DPP10: variants seen among roughly 807,000 people sequenced by gnomAD.
DPP10 encodes the protein dipeptidyl peptidase like 10.
DPP10 carries 33 observed loss-of-function variants against 120.9 expected under a neutral mutation model. That is an observed-to-expected ratio of 0.27 (90% CI 0.21 to 0.37). The LOEUF is 0.37. DPP10 is among the 10% of genes least tolerant of loss of function. The pLI is 1.00. For missense variants in DPP10, 816 were observed against 942.8 expected, an observed-to-expected ratio of 0.87 and a Z score of 1.76; for synonymous variants, 337 against 326.1, an observed-to-expected ratio of 1.03 and a Z score of -0.36.
At chr2:114,875,312 A>G (rs1031318276) in intron 1 of DPP10, among the ~76,000 whole-genome samples, 1 of 152,188 alleles carries the variant, frequency 6.6e-6, no homozygotes, top group Non-Finnish European at 1.5e-5. Context: ...CTACTCACAA[A>G]GACCTCATAG....
At position 115,300,787 on chromosome 2, in the gene DPP10, C is replaced by A. The variant is rs576296443; in HGVS notation, c.61-8452C>A. 2.0e-5 allele frequency among the ~76,000 whole-genome samples: 3 copies of A among 152,006 alleles called. No individual in the cohort carries two copies. The East Asian group carries it at 5.8e-4, about 30-fold the overall frequency. On this transcript the variant is annotated intron_variant, in intron 1 of 25. Coordinates refer to ENST00000410059, the MANE Select transcript of DPP10 (RefSeq NM_020868.6). The stretch of plus-strand genomic sequence containing the variant: ...TTTAGCTCTCAGAGTGTATTTAAGG[C>A]AGTTGTTTTAAAGTCTTTCTCTAGT...
chr2:115,655,209 A>G (rs2088186426), intron 5 of DPP10, among the ~76,000 whole-genome samples: 1 of 151,590 alleles, frequency 6.6e-6, no homozygotes, highest in African/African-American at 2.4e-5. Context: ...CAAATACGTA[A>G]CTTTTTAGGC....
intron 5 of DPP10, among the ~76,000 whole-genome samples, chr2:115,533,548 TCTC>T (rs2148928015): frequency 6.6e-6 from 1 of 152,200 alleles, no homozygotes; most frequent in African/African-American, 2.4e-5. Context: ...AAGTAACTCT[TCTC>T]TAGTGAATTA....
intron 5 of DPP10, among the ~76,000 whole-genome samples, chr2:115,550,218 G>A (rs972060942): frequency 5.9e-5 from 9 of 152,138 alleles, no homozygotes; most frequent in East Asian, 1.9e-4. Flanking sequence ...TAATATGCAT[G>A]TGAAGTATCA....
At chr2:115,489,205 C>A (rs1254495929) in intron 3 of DPP10, among the ~76,000 whole-genome samples, 1 of 151,982 alleles carries the variant, frequency 6.6e-6, no homozygotes, top group Non-Finnish European at 1.5e-5. Context: ...AGTGCATAAG[C>A]AGCCATGAGC....
rs70941039 is a variant in DPP10 at position 115,279,655 on chromosome 2, CTTT to C, written c.61-29559_61-29557del. Among the ~76,000 whole-genome samples the C allele has an allele frequency of 6.3e-3, 270 of 42,680 alleles. 3 individuals are homozygous for C. The highest frequency in any genetic ancestry group is 0.02 in the East Asian group (24 of 1,230). 28.0% of individuals were successfully genotyped at this position (42,680 alleles called of 152,430 possible). On this transcript the variant is annotated intron_variant, in intron 1 of 25. Coordinates refer to ENST00000410059, the MANE Select transcript of DPP10 (RefSeq NM_020868.6). ...TTTCTTTCTTTCTTTTTTTCTTCTT[CTTT>C]TTTTTTTTTTTTTTTTTTTTTTTTG... is the stretch of plus-strand genomic sequence containing the variant.
intron 5 of DPP10, among the ~76,000 whole-genome samples, chr2:115,651,283 A>G (rs972025463): frequency 6.6e-6 from 1 of 152,076 alleles, no homozygotes; most frequent in Admixed American, 6.6e-5. Flanking sequence ...AGACTTCTAA[A>G]TTAGTCTTTC....
chr2:115,198,372 A>G (rs1303535779), intron 1 of DPP10, among the ~76,000 whole-genome samples: 1 of 152,192 alleles, frequency 6.6e-6, no homozygotes, highest in Non-Finnish European at 1.5e-5. Context: ...GAAGGCACCA[A>G]CAAAAATGTT....
chr2:115,720,882 G>A (rs1322764367), intron 7 of DPP10, among the ~76,000 whole-genome samples: 1 of 152,190 alleles, frequency 6.6e-6, no homozygotes, highest in Non-Finnish European at 1.5e-5. Flanking sequence ...TGAAGCCAGT[G>A]TTTTGTCAGG....
chr2:115,484,148 C>CCA (rs1553427126), intron 3 of DPP10, among the ~76,000 whole-genome samples: 23 of 151,588 alleles, frequency 1.5e-4, no homozygotes, highest in African/African-American at 4.1e-4. Flanking sequence ...CACCCCCCCC[C>CCA]CACACACAAA....
At chr2:115,579,047 G>A (rs866175844) in intron 5 of DPP10, 1 of 152,154 alleles carries the variant, frequency 6.6e-6, no homozygotes, top group African/African-American at 2.4e-5. Flanking sequence ...ACTGTTATAA[G>A]CATTTTATAA....
chr2:115,523,642 ACCT>A (rs999950943), intron 4 of DPP10, among the ~76,000 whole-genome samples: 1 of 151,782 alleles, frequency 6.6e-6, no homozygotes, highest in African/African-American at 2.4e-5. Context: ...AAAACAATAC[ACCT>A]CCTGATACTA....
At chr2:115,841,202 G>C (rs116564918) in intron 25 of DPP10, among the ~76,000 whole-genome samples, 9 of 151,004 alleles carry the variant, frequency 6.0e-5, no homozygotes, top group Admixed American at 5.9e-4. Context: ...TTAAATATGA[G>C]AGTTTATTAT....
At chr2:115,378,415 C>T (rs2065990240) in intron 3 of DPP10, among the ~76,000 whole-genome samples, 1 of 150,990 alleles carries the variant, frequency 6.6e-6, no homozygotes, top group Non-Finnish European at 1.5e-5. Flanking sequence ...TGTCCTGAGA[C>T]TTTGCTAAGT....
At chr2:115,119,434 C>T (rs751436903) in intron 1 of DPP10, among the ~76,000 whole-genome samples, 5 of 152,174 alleles carry the variant, frequency 3.3e-5, no homozygotes, top group Admixed American at 2.0e-4. Flanking sequence ...TTGATCATCA[C>T]CTGATGGTCA....
At chr2:114,788,447 C>T (rs1682955157) in intron 1 of DPP10, among the ~76,000 whole-genome samples, 1 of 149,670 alleles carries the variant, frequency 6.7e-6, no homozygotes, top group Non-Finnish European at 1.5e-5. Context: ...GACGGAGTCT[C>T]ACTCTGTCAC....
intron 7 of DPP10, among the ~76,000 whole-genome samples, chr2:115,706,333 C>A (rs954494057): frequency 5.9e-5 from 9 of 151,686 alleles, no homozygotes; most frequent in Non-Finnish European, 1.3e-4. Context: ...TATCTTTTTT[C>A]TCTTGTTTTC....
chr2:114,615,191 A>G (rs867649020), intron 1 of DPP10, among the ~76,000 whole-genome samples: 7 of 152,264 alleles, frequency 4.6e-5, no homozygotes, highest in Middle Eastern at 6.8e-3. Flanking sequence ...TTCTAAGTAA[A>G]GAATAAACTT....
At chr2:115,196,297 A>G (rs1424593530) in intron 1 of DPP10, among the ~76,000 whole-genome samples, 3 of 152,240 alleles carry the variant, frequency 2.0e-5, no homozygotes, top group Non-Finnish European at 2.9e-5. Flanking sequence ...AACGTTTAAC[A>G]GGACACAGTA....
Sources: gnomAD v4.1 joint callset for allele counts (sites outside exome capture counted in the v4.1 genomes callset) on GRCh38, gnomAD v4.1.1 for gene constraint, MANE v1.5 for transcripts, NCBI Gene and HGNC (gene_info 2026-07-23, HGNC 2026-07-21) for gene names.